Variants in UNG observed in about 807,000 individuals in gnomAD.
UNG encodes uracil-DNA glycosylase.
Under a neutral mutation model 36.5 loss-of-function variants are expected in UNG, and 34 were observed. The observed-to-expected ratio is 0.93, with a 90% CI of 0.71 to 1.24. The LOEUF (loss-of-function observed/expected upper bound fraction) is 1.24, where lower values mean the gene tolerates loss of function less well. Among genes scored for constraint, UNG ranks in the 50% most tolerant of loss-of-function variants. The pLI is 0.00. For synonymous variants in UNG, 172 were observed against 157.8 expected (o/e 1.09, Z -0.67); for missense variants, 391 against 397.6 (o/e 0.98, Z 0.14).
At position 109,110,097 on chromosome 12, in the gene UNG, C is replaced by A; in HGVS notation, c.*128C>A. ...AGGGGGAAAAGCTTCCAGAAAGCAG[C>A]CATGAACCAGGCTGTCCAGGAATGG... is the stretch of plus-strand genomic sequence containing the variant. On this transcript the variant is annotated 3_prime_UTR_variant, in exon 7 of 7. Coordinates refer to ENST00000242576, the MANE Select transcript of UNG (RefSeq NM_080911.3). 2.2e-6 allele frequency: 3 copies of A among 1,345,346 alleles called. No individual in the cohort carries two copies. The highest frequency in any genetic ancestry group is 3.1e-6 in the Non-Finnish European group (3 of 970,240). The allele number at this position is 1,345,346 out of a possible 1,614,324, so 83.3% of individuals were successfully genotyped here. A position where few individuals can be genotyped will look rare whatever the true frequency, so the allele number is the denominator to read the frequency against.
In UNG at chr12:109,110,164, C is replaced by A; in HGVS notation, c.*195C>A. 1 of 676,868 alleles carries A rather than the reference C, an allele frequency of 1.5e-6. No individual in the cohort carries two copies. Among genetic ancestry groups the A allele is most frequent in the Non-Finnish European group, 2.5e-6 (1 of 402,790 alleles). The allele number at this position is 676,868 out of a possible 1,614,324, so 41.9% of individuals were successfully genotyped here. A position where few individuals can be genotyped will look rare whatever the true frequency, so the allele number is the denominator to read the frequency against. On this transcript the variant is annotated 3_prime_UTR_variant, in exon 7 of 7. Coordinates refer to ENST00000242576, the MANE Select transcript of UNG (RefSeq NM_080911.3). ...CAAACAACAAAGGCTACCCTTTGAC[C>A]AAATGTCTTTCTCTGCAACATGGCT... is the stretch of plus-strand genomic sequence containing the variant.
At chr12:109,107,480 C>T (rs2042226232) in intron 6 of UNG, among the ~76,000 whole-genome samples, 1 of 150,462 alleles carries the variant, frequency 6.6e-6, no homozygotes, top group African/African-American at 2.4e-5. Context: ...GCTGGGATTA[C>T]AGGCGTGAGC....
chr12:109,108,363 G>A (rs1361795521), intron 6 of UNG, among the ~76,000 whole-genome samples: 1 of 152,160 alleles, frequency 6.6e-6, no homozygotes, highest in Non-Finnish European at 1.5e-5. Context: ...GCTGGGAGCA[G>A]TGGCTCACGC....
At chr12:109,099,742 A>G (rs1226406572) in intron 3 of UNG, among the ~76,000 whole-genome samples, 4 of 152,194 alleles carry the variant, frequency 2.6e-5, no homozygotes, top group Non-Finnish European at 5.9e-5. Context: ...TTTGTCTTAT[A>G]TAACAGTTGC....
intron 2 of UNG, 70 bp from the exon 3 acceptor site, chr12:109,099,119 A>G: frequency 7.1e-7 from 1 of 1,410,496 alleles, no homozygotes; most frequent in Non-Finnish European, 1.0e-6. Flanking sequence ...TTGCACTAGA[A>G]GCTTTCTTAT....
chr12:109,098,146 G>C, intron 1 of UNG: 3 of 1,388,558 alleles, frequency 2.2e-6, no homozygotes, highest in Admixed American at 3.2e-5. Flanking sequence ...GCGGTGGGGC[G>C]GGTCTGGCGG....
chr12:109,105,822 C>T (rs920514609), intron 6 of UNG, among the ~76,000 whole-genome samples: 1 of 152,226 alleles, frequency 6.6e-6, no homozygotes, highest in African/African-American at 2.4e-5. Flanking sequence ...TTCATTCAGG[C>T]CCTCACCTGA....
chr12:109,100,775 G>A (rs2042170038), intron 3 of UNG, among the ~76,000 whole-genome samples: 1 of 152,180 alleles, frequency 6.6e-6, no homozygotes, highest in African/African-American at 2.4e-5. Flanking sequence ...AACACCAAGG[G>A]GAGGGACAAG....
chr12:109,097,986 A>T, intron 1 of UNG, 175 bp downstream of exon 1: 1 of 1,262,906 alleles, frequency 7.9e-7, no homozygotes, highest in Non-Finnish European at 1.0e-6. Flanking sequence ...CCGCCATGCT[A>T]AAGGGCCAGC....
In UNG at chr12:109,097,627, C is replaced by A. The variant is rs1212020498; in HGVS notation, c.-53C>A. ...CTGACCGCCACAGCCACAGCCAGGGCTAGCCTCGCCGGTTCCCGGGTGGCG... is the reference window on the plus strand; with the variant it reads ...CTGACCGCCACAGCCACAGCCAGGGATAGCCTCGCCGGTTCCCGGGTGGCG... On this transcript the variant is annotated 5_prime_UTR_variant, in exon 1 of 7. Transcript: ENST00000242576. 2 of 1,584,078 alleles carry A rather than the reference C, an allele frequency of 1.3e-6. No individual in the cohort carries two copies. The highest frequency in any genetic ancestry group is 8.6e-7 in the Non-Finnish European group (1 of 1,165,052).
rs771026474 is a variant in UNG at position 109,098,454 on chromosome 12, C to A, written c.155C>A (p.Pro52Gln). Reference protein sequence around the residue: ...DAAAIPAKKAPAGQEEPGTPP... With the variant: ...DAAAIPAKKAQAGQEEPGTPP... ...CAGGCCATCCCAGCCAAGAAGGCCC[C>A]GGCTGGGCAGGAGGAGCCTGGGACG... Residue 52 changes from proline to glutamine, a missense_variant, in exon 2 of 7, where the codon CCG (proline) becomes CAG (glutamine). By Grantham distance (76) the Pro-to-Gln change is moderately conservative. Coordinates refer to ENST00000242576, the MANE Select transcript of UNG (RefSeq NM_080911.3). 6.2e-7 allele frequency: 1 copy of A among 1,610,320 alleles called. No homozygotes were observed. The highest frequency in any genetic ancestry group is 8.5e-7 in the Non-Finnish European group (1 of 1,178,578).
In UNG at chr12:109,103,721, A is replaced by G; in HGVS notation, c.801+110A>G. The G allele has an allele frequency of 2.3e-6, 3 of 1,283,282 alleles. No individual in the cohort carries two copies. In the Admixed American group the frequency reaches 6.9e-5, roughly 30 times the overall value. 79.5% of individuals were successfully genotyped at this position (1,283,282 alleles called of 1,614,324 possible). On this transcript the variant is annotated intron_variant, in intron 6 of 6. Transcript: ENST00000242576. Reference sequence around the variant, plus strand: ...TTGGTCCTGGAAAATCCATGTTATAAAATAACTTTTATTTTCCCTTAGGCC... The same window carrying G: ...TTGGTCCTGGAAAATCCATGTTATAGAATAACTTTTATTTTCCCTTAGGCC...
chr12:109,098,728 C>T (rs964890766), intron 2 of UNG, 90 bp downstream of exon 2: 7 of 1,569,128 alleles, frequency 4.5e-6, no homozygotes, highest in Admixed American at 3.5e-5. Context: ...GTTCATGTTT[C>T]CGTAGGCTTA....
intron 1 of UNG, 31 bp from the exon 2 acceptor site, chr12:109,098,401 C>T (rs940198309): frequency 1.9e-6 from 3 of 1,602,712 alleles, no homozygotes; most frequent in Non-Finnish European, 2.6e-6. Context: ...CGCTGCAGCT[C>T]TTGAGCCGCC....
intron 6 of UNG, 48 bp from the exon 7 acceptor site, chr12:109,109,781 A>AAAAAAAAT (rs1555265461): frequency 9.5e-6 from 15 of 1,577,354 alleles, no homozygotes; most frequent in African/African-American, 7.1e-5. Context: ...AAAAAAAAAA[A>AAAAAAAAT]TTTAAAAAGT....
chr12:109,108,060 T>A (rs1303716151), intron 6 of UNG, among the ~76,000 whole-genome samples: 1 of 152,200 alleles, frequency 6.6e-6, no homozygotes, highest in Non-Finnish European at 1.5e-5. Flanking sequence ...TTGGAGGTCA[T>A]CTCATCAGTA....
In UNG at chr12:109,097,608, G is replaced by C. The variant is rs1476778403; in HGVS notation, c.-72G>C. ...GGCCGCTTGGCGCCAATTGCTGACC[G>C]CCACAGCCACAGCCAGGGCTAGCCT... On this transcript the variant is annotated 5_prime_UTR_variant, in exon 1 of 7. Coordinates refer to ENST00000242576, the MANE Select transcript of UNG (RefSeq NM_080911.3). The C allele has an allele frequency of 3.2e-6, 5 of 1,561,626 alleles. No homozygotes were observed. Among genetic ancestry groups the C allele is most frequent in the Non-Finnish European group, 2.6e-6 (3 of 1,152,834 alleles).
chr12:109,098,336 T>C, intron 1 of UNG, 96 bp from the exon 2 acceptor site: 1 of 1,601,758 alleles, frequency 6.2e-7, no homozygotes, highest in Non-Finnish European at 8.5e-7. Flanking sequence ...AATGGGCGTC[T>C]TCTGCCTTGG....
In UNG at chr12:109,110,009, C is replaced by G. The variant is rs113164038; in HGVS notation, c.*40C>G. 3 of 1,613,712 alleles carry G rather than the reference C, an allele frequency of 1.9e-6. No homozygotes were observed. The highest frequency in any genetic ancestry group is 2.5e-6 in the Non-Finnish European group (3 of 1,179,856). ...GTGGCCTTTGAGAAGCTGCTGTTAA[C>G]GTATTTGCCAGTTACGAAGTTCCAC... On this transcript the variant is annotated 3_prime_UTR_variant, in exon 7 of 7. Transcript: ENST00000242576.
Sources: allele counts gnomAD v4.1 joint callset (sites outside exome capture counted in the v4.1 genomes callset), GRCh38; gene constraint gnomAD v4.1.1; transcripts MANE v1.5; gene names NCBI Gene and HGNC (gene_info 2026-07-23, HGNC 2026-07-21).